TRIM2: variants seen among roughly 807,000 people sequenced by gnomAD.
The protein encoded by TRIM2 is tripartite motif-containing protein 2.
In TRIM2, 20 loss-of-function variants were observed where a neutral mutation model predicts 75.2. The ratio of observed to expected loss-of-function variants is 0.27; its 90% CI spans 0.19 to 0.39. The LOEUF is 0.39. Ranked by LOEUF, TRIM2 falls within the 10% of genes least tolerant of loss-of-function variation. The pLI, the probability that TRIM2 is intolerant of heterozygous loss-of-function variation, is 1.00. For missense variants in TRIM2, 660 were observed against 990.8 expected (o/e 0.67, Z 4.48); for synonymous variants, 373 against 388.3 (o/e 0.96, Z 0.46).
At chr4:153,272,750 C>A (rs945422533) in intron 2 of TRIM2, among the ~76,000 whole-genome samples, 7 of 151,986 alleles carry the variant, frequency 4.6e-5, no homozygotes, top group Non-Finnish European at 1.0e-4. Flanking sequence ...GGCTTACAGG[C>A]GTGAGCCACT....
chr4:153,244,316 C>CTTCTTCT (rs1747924407), intron 1 of TRIM2, among the ~76,000 whole-genome samples: 1 of 26,378 alleles, frequency 3.8e-5, no homozygotes, highest in Non-Finnish European at 6.1e-5. Context: ...CCTCCTCCTC[C>CTTCTTCT]TCCTCTTCTT....
At chr4:153,245,971 A>T (rs1050091512) in intron 1 of TRIM2, among the ~76,000 whole-genome samples, 3 of 152,144 alleles carry the variant, frequency 2.0e-5, no homozygotes, top group African/African-American at 4.8e-5. Flanking sequence ...GAGGCACCAC[A>T]CCCAGCCCCT....
At chr4:153,176,513 T>G (rs1427839907) in intron 1 of TRIM2, among the ~76,000 whole-genome samples, 1 of 151,896 alleles carries the variant, frequency 6.6e-6, no homozygotes, top group Non-Finnish European at 1.5e-5. Flanking sequence ...TAAATCTAAG[T>G]CAAGAGTATA....
In TRIM2 at chr4:153,245,301, C is replaced by A. The variant is rs148804506; in HGVS notation, c.31-25034C>A. ...TTTTCATTTACGAGGTTTTTGCTAT[C>A]CTTGGGTTGGTTTATAATGTTGTTA... On this transcript the variant is annotated intron_variant, in intron 1 of 11. Transcript: ENST00000338700. Among the ~76,000 whole-genome samples the A allele has an allele frequency of 9.2e-5, 14 of 152,328 alleles. No homozygotes were observed. In the East Asian group the frequency reaches 2.7e-3, roughly 29 times the overall value.
At chr4:153,219,443 G>A (rs991543494) in intron 1 of TRIM2, among the ~76,000 whole-genome samples, 1 of 152,112 alleles carries the variant, frequency 6.6e-6, no homozygotes, top group Non-Finnish European at 1.5e-5. Context: ...TTTTGCAAAA[G>A]AATTCCACCT....
intron 1 of TRIM2, among the ~76,000 whole-genome samples, chr4:153,254,701 C>A (rs1751645072): frequency 1.3e-5 from 2 of 152,206 alleles, no homozygotes; most frequent in South Asian, 2.1e-4. Context: ...AAGACATATG[C>A]TAAAAATGAG....
intron 1 of TRIM2, among the ~76,000 whole-genome samples, chr4:153,246,989 G>A (rs6833276): frequency 2.6e-3 from 390 of 152,322 alleles, no homozygotes; most frequent in African/African-American, 9.0e-3. Flanking sequence ...GGATGTGGAA[G>A]TGAGGCCTCC....
chr4:153,187,577 C>T (rs2149651103), intron 1 of TRIM2, among the ~76,000 whole-genome samples: 1 of 152,356 alleles, frequency 6.6e-6, no homozygotes, highest in South Asian at 2.1e-4. Context: ...TTGAGAGCCA[C>T]TGCTGTACCC....
chr4:153,315,670 A>G lies in TRIM2; in HGVS notation c.1614+82A>G, dbSNP rs1767426240. ...TACATATATTCCTACTTTAGACTTCAGATACATGGTGTAAGGAAAAAAGCT... is the reference window on the plus strand; with the variant it reads ...TACATATATTCCTACTTTAGACTTCGGATACATGGTGTAAGGAAAAAAGCT... On this transcript the variant is annotated intron_variant, in intron 7 of 11. Coordinates refer to ENST00000338700, the MANE Select transcript of TRIM2 (RefSeq NM_015271.5). 9.0e-6 allele frequency: 13 copies of G among 1,440,628 alleles called. No homozygotes were observed. The South Asian group carries it at 1.1e-4, about 12-fold the overall frequency. 89.2% of individuals were successfully genotyped at this position (1,440,628 alleles called of 1,614,324 possible).
intron 1 of TRIM2, among the ~76,000 whole-genome samples, chr4:153,170,515 T>TA (rs1201820803): frequency 2.0e-5 from 3 of 152,076 alleles, no homozygotes; most frequent in Admixed American, 6.5e-5. Flanking sequence ...GGTTGCTTTT[T>TA]AAAAAAATCC....
At chr4:153,202,139 T>C (rs2149680337), upstream of TRIM2, among the ~76,000 whole-genome samples, 2 of 152,318 alleles carry the variant, frequency 1.3e-5, 1 homozygote, top group African/African-American at 4.8e-5. Flanking sequence ...AAGGATGGCA[T>C]TTGGGGATTA....
chr4:153,250,896 T>G (rs1750702022), intron 1 of TRIM2, among the ~76,000 whole-genome samples: 1 of 152,086 alleles, frequency 6.6e-6, no homozygotes, highest in African/African-American at 2.4e-5. Context: ...TTTTGAGAGG[T>G]TCTGTTTGTG....
intron 1 of TRIM2, among the ~76,000 whole-genome samples, chr4:153,164,335 A>G (rs1730066678): frequency 1.3e-5 from 2 of 152,198 alleles, no homozygotes; most frequent in Admixed American, 6.5e-5. Flanking sequence ...TTTAAAAATA[A>G]GATGGTACTT....
chr4:153,263,029 C>A (rs981780213), intron 1 of TRIM2, among the ~76,000 whole-genome samples: 5 of 152,158 alleles, frequency 3.3e-5, no homozygotes, highest in African/African-American at 1.2e-4. Context: ...TGTTGCTAAG[C>A]ATTAGACTAT....
chr4:153,317,000 C>G (rs1579659181), intron 8 of TRIM2, among the ~76,000 whole-genome samples: 2 of 149,654 alleles, frequency 1.3e-5, no homozygotes, highest in East Asian at 4.0e-4. Context: ...CCTGCCTCAG[C>G]CTCCTGAGTA....
intron 1 of TRIM2, among the ~76,000 whole-genome samples, chr4:153,179,122 TC>T (rs1731778694): frequency 6.6e-6 from 1 of 152,004 alleles, no homozygotes; most frequent in South Asian, 2.1e-4. Flanking sequence ...CTGCAGTGAG[TC>T]ATGATCTCAC....
intron 6 of TRIM2, among the ~76,000 whole-genome samples, chr4:153,298,241 G>A (rs185453568): frequency 2.6e-5 from 4 of 152,360 alleles, no homozygotes; most frequent in African/African-American, 9.6e-5. Context: ...TAAAGATGCT[G>A]TCTTAGTTTG....
At chr4:153,172,227 A>G (rs142518546) in intron 1 of TRIM2, among the ~76,000 whole-genome samples, 6 of 151,444 alleles carry the variant, frequency 4.0e-5, no homozygotes, top group South Asian at 4.2e-4. Context: ...TTGCTCTTTC[A>G]CCCAGGCCGG....
intron 1 of TRIM2, among the ~76,000 whole-genome samples, chr4:153,221,296 G>A (rs143169244): frequency 2.3e-4 from 35 of 152,170 alleles, no homozygotes; most frequent in African/African-American, 7.0e-4. Flanking sequence ...CAAGTGTGGC[G>A]GTGTGCCTAT....
Sources: allele counts gnomAD v4.1 joint callset (sites outside exome capture counted in the v4.1 genomes callset), GRCh38; gene constraint gnomAD v4.1.1; transcripts MANE v1.5; gene names NCBI Gene and HGNC (gene_info 2026-07-23, HGNC 2026-07-21).